The following MPP2 variants were observed in gnomAD, a reference collection of about 807,000 sequenced individuals.
The protein encoded by MPP2 is MAGUK p55 subfamily member 2.
A neutral mutation model predicts 58.5 loss-of-function variants in MPP2; 42 were observed. The observed-to-expected ratio is 0.72, with a 90% confidence interval of 0.56 to 0.93. The LOEUF (loss-of-function observed/expected upper bound fraction) is 0.93, where lower values mean the gene tolerates loss of function less well. Among genes scored for constraint, MPP2 ranks in the 40% least tolerant of loss-of-function variants. MPP2 has a pLI of 0.00. For missense variants in MPP2, 632 were observed against 760.4 expected, an observed-to-expected ratio of 0.83 and a Z score of 1.99; for synonymous variants, 300 against 307.8, an observed-to-expected ratio of 0.97 and a Z score of 0.26.
rs1247537432 is a variant in MPP2, at chr17:43,882,974, AT to A, written c.381del (p.Phe128SerfsTer26). ...TPPPSPGLDP[T>X]FSNQPVPPDA... is the part of the protein sequence containing the mutation. ...TCGGGAGGTACAGGCTGGTTGCTGA[AT>A]GTAGGGTCCAGGCCAGGGCTGGGGG... On this transcript the variant is annotated frameshift_variant, in exon 5 of 13. Coordinates refer to ENST00000269095, the MANE Select transcript of MPP2 (RefSeq NM_005374.5). LOFTEE classifies it high-confidence loss of function. The A allele has an allele frequency of 1.3e-5, 21 of 1,614,090 alleles. No individual in the cohort carries two copies. Among genetic ancestry groups the A allele is most frequent in the Non-Finnish European group, 1.7e-5 (20 of 1,179,996 alleles).
At chr17:43,907,720 C>T (rs550023807), upstream of MPP2, 2 of 985,558 alleles carry the variant, frequency 2.0e-6, no homozygotes, top group Non-Finnish European at 2.4e-6. Flanking sequence ...CAGACCACGA[C>T]GCCCTGCTGG....
chr17:43,886,200 CTGG>C (rs2047362444), intron 3 of MPP2, among the ~76,000 whole-genome samples: 1 of 152,018 alleles, frequency 6.6e-6, no homozygotes, highest in African/African-American at 2.4e-5. Context: ...TTTTATTTAA[CTGG>C]TTTGGTTTTC....
chr17:43,884,022 G>T, intron 3 of MPP2: 1 of 692,042 alleles, frequency 1.4e-6, no homozygotes, highest in South Asian at 1.5e-5. Flanking sequence ...TAATATATAT[G>T]AAGACCATTT....
At chr17:43,881,639 G>A (rs761567116) in intron 6 of MPP2, 50 bp from the exon 7 acceptor site, 1 of 1,594,806 alleles carries the variant, frequency 6.3e-7, no homozygotes, top group East Asian at 2.2e-5. Context: ...GCAGAAGGCT[G>A]CAGGTGGAGG....
rs2047227976 is a variant in MPP2, at chr17:43,883,326, C to T, written c.180G>A (p.Leu60=). 1.2e-6 allele frequency: 2 copies of T among 1,612,586 alleles called. No homozygotes were observed. The highest frequency in any genetic ancestry group is 1.7e-6 in the Non-Finnish European group (2 of 1,179,932). Residue 60 remains leucine, a synonymous_variant, in exon 4 of 13, where the codon CTG becomes CTA. Coordinates refer to ENST00000269095, the MANE Select transcript of MPP2 (RefSeq NM_005374.5). ...CCAGGTTGTTGTCTCTCACGGCCTC[C>T]AGCTTCGTCTCCTCCAGCCTCTCAT... ...KAHERLEETK[L]EAVRDNNLEL... is the part of the protein sequence containing the mutation.
Position 43,877,076 on chromosome 17 carries a change from G to A in MPP2, c.*731C>T, listed in dbSNP as rs779355901. 1.3e-5 allele frequency: 2 copies of A among 152,834 alleles called. No homozygotes were observed. Among genetic ancestry groups the A allele is most frequent in the African/African-American group, 4.8e-5 (2 of 41,474 alleles). The allele number at this position is 152,834 out of a possible 1,614,324, so 9.5% of individuals were successfully genotyped here. ...TGGCCCCTGCCAGCCTGGCCCTGTG[G>A]GGAGCAGGGCTGACCTGTCAGGACA... On this transcript the variant is annotated 3_prime_UTR_variant, in exon 13 of 13. Coordinates refer to ENST00000269095, the MANE Select transcript of MPP2 (RefSeq NM_005374.5).
chr17:43,885,595 T>G (rs1444295118), intron 3 of MPP2, among the ~76,000 whole-genome samples: 8 of 152,198 alleles, frequency 5.3e-5, no homozygotes, highest in Non-Finnish European at 1.5e-5. Flanking sequence ...TCCCTTCTCC[T>G]TCAGTGAGAA....
At chr17:43,878,204 A>T (rs942905986) in intron 12 of MPP2, among the ~76,000 whole-genome samples, 1 of 152,196 alleles carries the variant, frequency 6.6e-6, no homozygotes, top group Non-Finnish European at 1.5e-5. Context: ...ATAACTGCCA[A>T]TCACACCCCT....
intron 3 of MPP2, among the ~76,000 whole-genome samples, chr17:43,889,406 A>C: frequency 7.4e-6 from 1 of 134,764 alleles, no homozygotes; most frequent in Non-Finnish European, 1.5e-5. Flanking sequence ...TCTATCGCCC[A>C]GCCTGGAGTG....
intron 3 of MPP2, among the ~76,000 whole-genome samples, chr17:43,894,430 TATATATATATATATAC>T (rs1187209497): frequency 8.1e-5 from 1 of 12,384 alleles, no homozygotes; most frequent in Non-Finnish European, 1.6e-4. Flanking sequence ...TATATATATA[TATATATATATATATAC>T]ACACACACAC....
At chr17:43,901,218 G>C (rs1276685631) in intron 2 of MPP2, 7 of 978,432 alleles carry the variant, frequency 7.2e-6, no homozygotes, top group Non-Finnish European at 8.5e-6. Context: ...GTCAGCCACT[G>C]GGAGGCAGGG....
intron 3 of MPP2, among the ~76,000 whole-genome samples, chr17:43,887,952 G>C (rs1014720197): frequency 6.6e-6 from 1 of 152,132 alleles, no homozygotes; most frequent in African/African-American, 2.4e-5. Context: ...ATGGAGGAGA[G>C]AGGGAAGCTG....
chr17:43,882,275 G>T lies in MPP2; in HGVS notation c.681+9C>A. On this transcript the variant is annotated intron_variant, in intron 6 of 12. Transcript: ENST00000269095. Reference sequence around the variant, plus strand: ...ATCCCTTGGGCCTTGTGCTGGGTGAGGGGCCCACCTGGCGGGGCAGATGGG... The same window carrying T: ...ATCCCTTGGGCCTTGTGCTGGGTGATGGGCCCACCTGGCGGGGCAGATGGG... 2 of 1,606,462 alleles carry T rather than the reference G, an allele frequency of 1.2e-6. No individual in the cohort carries two copies.
chr17:43,887,858 C>A (rs2047436979), intron 3 of MPP2, among the ~76,000 whole-genome samples: 1 of 151,478 alleles, frequency 6.6e-6, no homozygotes, highest in Admixed American at 6.6e-5. Flanking sequence ...TTAAAGAATC[C>A]TTTTCAGTTG....
intron 1 of MPP2, 85 bp downstream of exon 1, chr17:43,907,389 A>G (rs1309531817): frequency 5.1e-6 from 5 of 985,394 alleles, no homozygotes; most frequent in Non-Finnish European, 6.0e-6. Flanking sequence ...AAACCCAGTG[A>G]ATAGGGTCCT....
At chr17:43,906,306 G>A (rs139172107) in intron 1 of MPP2, among the ~76,000 whole-genome samples, 1,669 of 152,304 alleles carry the variant, frequency 0.011, 35 homozygotes, top group African/African-American at 0.038. Context: ...GCCTCTGAGA[G>A]GGCGGGGCCT....
intron 1 of MPP2, chr17:43,907,038 G>A (rs2048320241): frequency 5.8e-6 from 2 of 344,220 alleles, no homozygotes; most frequent in Non-Finnish European, 8.2e-6. Context: ...TGTGGTGTTA[G>A]CTGCCTAGGG....
upstream of MPP2, among the ~76,000 whole-genome samples, chr17:43,909,048 CCTT>C (rs375218017): frequency 7.0e-4 from 106 of 152,048 alleles, 1 homozygote; most frequent in Middle Eastern, 3.4e-3. Flanking sequence ...GCTAGAAAAT[CCTT>C]CTTCTTCTTC....
Position 43,875,754 on chromosome 17 carries a change from C to G in MPP2, c.*2053G>C, listed in dbSNP as rs2143465712. 6.6e-6 allele frequency: 1 copy of G among 152,334 alleles called. No homozygotes were observed. Among genetic ancestry groups the G allele is most frequent in the South Asian group, 2.1e-4 (1 of 4,816 alleles). 9.4% of individuals were successfully genotyped at this position (152,334 alleles called of 1,614,324 possible). On this transcript the variant is annotated 3_prime_UTR_variant, in exon 13 of 13. Coordinates refer to ENST00000269095, the MANE Select transcript of MPP2 (RefSeq NM_005374.5). ...AAGGGCCCCAGGCCTGCCCCTTGAGCATCCCTAGCAGTGAAGGTGCCATGA... is the reference window on the plus strand; with the variant it reads ...AAGGGCCCCAGGCCTGCCCCTTGAGGATCCCTAGCAGTGAAGGTGCCATGA...
Sources: gnomAD v4.1 joint callset for allele counts (sites outside exome capture counted in the v4.1 genomes callset) on GRCh38, gnomAD v4.1.1 for gene constraint, MANE v1.5 for transcripts, NCBI Gene and HGNC (gene_info 2026-07-23, HGNC 2026-07-21) for gene names.